PHKB: variants seen among roughly 807,000 people sequenced by gnomAD.
The protein encoded by PHKB is phosphorylase kinase regulatory subunit beta.
In PHKB, 122 loss-of-function variants were observed where a neutral mutation model predicts 152.1. The ratio of observed to expected loss-of-function variants is 0.80; its 90% confidence interval spans 0.69 to 0.93. The LOEUF (loss-of-function observed/expected upper bound fraction) is 0.93, where lower values mean the gene tolerates loss of function less well. Ranked by LOEUF, PHKB falls within the 40% of genes least tolerant of loss-of-function variation. The probability of loss-of-function intolerance (pLI) is 0.00; values close to 1 mark genes in which losing one functional copy is unlikely to be tolerated. For missense variants in PHKB, 1,304 were observed against 1,328.4 expected (o/e 0.98, Z 0.29); for synonymous variants, 436 against 464.9 (o/e 0.94, Z 0.80).
chr16:47,496,557 G>T (rs372521557), intron 1 of PHKB, among the ~76,000 whole-genome samples: 1 of 152,164 alleles, frequency 6.6e-6, no homozygotes, highest in East Asian at 1.9e-4. Flanking sequence ...TACATTACCT[G>T]AATCCAGAGG....
intron 27 of PHKB, among the ~76,000 whole-genome samples, chr16:47,690,781 T>C (rs1488403877): frequency 6.6e-6 from 1 of 152,130 alleles, no homozygotes; most frequent in Non-Finnish European, 1.5e-5. Context: ...GTGTTTCCAC[T>C]CAAGATGCTT....
At chr16:47,477,986 A>G (rs976607488) in intron 1 of PHKB, among the ~76,000 whole-genome samples, 2 of 152,130 alleles carry the variant, frequency 1.3e-5, no homozygotes, top group Non-Finnish European at 2.9e-5. Context: ...AAAGAAAGAG[A>G]AAATTATATA....
intron 26 of PHKB, among the ~76,000 whole-genome samples, chr16:47,681,110 T>C (rs1973845735): frequency 6.6e-6 from 1 of 152,248 alleles, no homozygotes; most frequent in Non-Finnish European, 1.5e-5. Flanking sequence ...TGAGTTCTAA[T>C]TTGATTACAC....
At chr16:47,666,169 A>G (rs150674014) in intron 25 of PHKB, 6 of 718,166 alleles carry the variant, frequency 8.4e-6, no homozygotes, top group East Asian at 8.1e-5. Context: ...GGCACTTTCT[A>G]TCAAAGTCTC....
intron 26 of PHKB, among the ~76,000 whole-genome samples, chr16:47,685,964 A>T (rs879374108): frequency 6.6e-6 from 1 of 152,014 alleles, no homozygotes; most frequent in Non-Finnish European, 1.5e-5. Flanking sequence ...GATGGTCTCA[A>T]TCTCCTGACC....
rs546829112 is a variant in PHKB, at chr16:47,565,694, G to A, written c.711-14601G>A. ...GTTCCTGAGTTTCTTCACTTTGCCA[G>A]TTTGGGTGTCTCTCCCGAGGCCATC... On this transcript the variant is annotated intron_variant, in intron 7 of 30. Coordinates refer to ENST00000323584, the MANE Select transcript of PHKB (RefSeq NM_000293.3). 1,120 of 1,411,508 alleles carry A rather than the reference G, an allele frequency of 7.9e-4. 1 individual carries two copies. The highest frequency in any genetic ancestry group is 1.0e-3 in the Non-Finnish European group (1,035 of 1,002,576). 87.4% of individuals were successfully genotyped at this position (1,411,508 alleles called of 1,614,324 possible).
chr16:47,470,777 GTTC>G (rs1392265694), intron 1 of PHKB, among the ~76,000 whole-genome samples: 1 of 152,060 alleles, frequency 6.6e-6, no homozygotes, highest in African/African-American at 2.4e-5. Context: ...GATGTTTATT[GTTC>G]TTCTTTCATT....
At chr16:47,543,264 TG>T (rs1053628905) in intron 6 of PHKB, among the ~76,000 whole-genome samples, 3 of 152,198 alleles carry the variant, frequency 2.0e-5, no homozygotes, top group Non-Finnish European at 4.4e-5. Context: ...GATAATGGTG[TG>T]GTTTTTGTCT....
intron 7 of PHKB, among the ~76,000 whole-genome samples, chr16:47,576,502 G>T (rs778155589): frequency 1.3e-5 from 2 of 152,146 alleles, no homozygotes; most frequent in African/African-American, 2.4e-5. Context: ...TAGTTCCTCT[G>T]TATCCTTGCT....
chr16:47,533,520 G>T (rs1452578375), intron 6 of PHKB, among the ~76,000 whole-genome samples: 2 of 152,208 alleles, frequency 1.3e-5, no homozygotes, highest in African/African-American at 2.4e-5. Flanking sequence ...GCTTCCCTTA[G>T]GTGTTCATCA....
rs1209122374 is a variant in PHKB at position 47,538,028 on chromosome 16, G to C, written c.595-9405G>C. ...CCACCTCAGCCTCCCGAGCAGCTGG[G>C]ACCACAAGCATATGTTACCATGCCC... On this transcript the variant is annotated intron_variant, in intron 6 of 30. Coordinates refer to ENST00000323584, the MANE Select transcript of PHKB (RefSeq NM_000293.3). Among the ~76,000 whole-genome samples, 16 of 152,030 alleles carry C rather than the reference G, an allele frequency of 1.1e-4. 1 individual carries two copies. Among genetic ancestry groups the C allele is most frequent in the Admixed American group, 1.0e-3 (16 of 15,272 alleles).
intron 26 of PHKB, among the ~76,000 whole-genome samples, chr16:47,673,039 C>A (rs1973663678): frequency 6.6e-6 from 1 of 152,024 alleles, no homozygotes; most frequent in Non-Finnish European, 1.5e-5. Context: ...AGTGTCCCTG[C>A]CTGACTTATG....
At chr16:47,551,242 T>C (rs1444207910) in intron 7 of PHKB, among the ~76,000 whole-genome samples, 1 of 152,190 alleles carries the variant, frequency 6.6e-6, no homozygotes, top group African/African-American at 2.4e-5. Flanking sequence ...TAGTTATTTC[T>C]TGTCTTCTGC....
At chr16:47,525,244 T>C (rs935179479) in intron 6 of PHKB, among the ~76,000 whole-genome samples, 4 of 152,192 alleles carry the variant, frequency 2.6e-5, no homozygotes, top group Non-Finnish European at 5.9e-5. Context: ...AGATACAGTT[T>C]AGTTGAGAAA....
intron 15 of PHKB, among the ~76,000 whole-genome samples, chr16:47,641,378 C>G (rs1973019053): frequency 6.6e-6 from 1 of 152,194 alleles, no homozygotes; most frequent in South Asian, 2.1e-4. Flanking sequence ...TTACCAAAAT[C>G]AGTGCTTTCC....
At chr16:47,578,312 C>T (rs1441473491) in intron 7 of PHKB, among the ~76,000 whole-genome samples, 2 of 152,156 alleles carry the variant, frequency 1.3e-5, no homozygotes, top group African/African-American at 2.4e-5. Context: ...TCAACGTTAG[C>T]ATCCATTGAT....
At position 47,669,297 on chromosome 16, in the gene PHKB, A is replaced by G. The variant is rs764238620; in HGVS notation, c.2510A>G (p.Tyr837Cys). ...AGAGTGATTCAAAACATCATCTATT[A>G]TAAGTGTAACACCCATGATGAGAGG... ...SPRVIQNIIY[Y>C]KCNTHDEREA... is the part of the protein sequence containing the mutation. Residue 837 changes from tyrosine (Y) to cysteine (C), a missense_variant, in exon 26 of 31, where the codon TAT (tyrosine) becomes TGT (cysteine). Tyr to Cys is a radical substitution (Grantham distance 194). Coordinates refer to ENST00000323584, the MANE Select transcript of PHKB (RefSeq NM_000293.3). 9.9e-6 allele frequency: 16 copies of G among 1,613,898 alleles called. No homozygotes were observed. Among genetic ancestry groups the G allele is most frequent in the Admixed American group, 3.3e-5 (2 of 59,990 alleles).
intron 7 of PHKB, among the ~76,000 whole-genome samples, chr16:47,558,680 C>T (rs1971425009): frequency 6.6e-6 from 1 of 152,180 alleles, no homozygotes; most frequent in African/African-American, 2.4e-5. Flanking sequence ...TCTCTAGTAG[C>T]TGGGATTACA....
chr16:47,568,119 T>C (rs1468458398), intron 7 of PHKB, among the ~76,000 whole-genome samples: 2 of 152,208 alleles, frequency 1.3e-5, no homozygotes, highest in Admixed American at 6.5e-5. Context: ...GTACCAGTTA[T>C]TTGAAATGTC....
Sources: gnomAD v4.1 joint callset for allele counts (sites outside exome capture counted in the v4.1 genomes callset) on GRCh38, gnomAD v4.1.1 for gene constraint, MANE v1.5 for transcripts, NCBI Gene and HGNC (gene_info 2026-07-23, HGNC 2026-07-21) for gene names.